The following GPSM2 variants were observed in gnomAD, a reference collection of about 807,000 sequenced individuals.
GPSM2 encodes G protein signaling modulator 2, also known as G protein-signaling modulator 2.
Under a neutral mutation model 78.4 loss-of-function variants are expected in GPSM2, and 58 were observed. That is an observed-to-expected ratio of 0.74 (90% CI 0.60 to 0.92). The LOEUF (loss-of-function observed/expected upper bound fraction) is 0.92. Among genes scored for constraint, GPSM2 ranks in the 40% least tolerant of loss-of-function variants. GPSM2 has a pLI of 0.00. For missense variants in GPSM2, 700 were observed against 815.5 expected (o/e 0.86, Z 1.73); for synonymous variants, 224 against 280.2 (o/e 0.80, Z 2.00).
chr1:108,885,265 C>G lies in GPSM2; in HGVS notation c.-248-10C>G. ...GACTTCAAGCAAAGCATCTTGTATT[C>G]CTTTTGCAGAAATGTTGCTGAAGTG... On this transcript the variant is annotated splice_polypyrimidine_tract_variant and intron_variant, in intron 1 of 14. Coordinates refer to ENST00000264126, the MANE Select transcript of GPSM2 (RefSeq NM_013296.5). The G allele has an allele frequency of 2.7e-6, 1 of 374,002 alleles. No homozygotes were observed. The highest frequency in any genetic ancestry group is 4.3e-5 in the South Asian group (1 of 23,098). 23.2% of individuals were successfully genotyped at this position (374,002 alleles called of 1,614,324 possible). A position where few individuals can be genotyped will look rare whatever the true frequency, so the allele number is the denominator to read the frequency against.
At chr1:108,899,112 T>C (rs1443800034) in intron 7 of GPSM2, 118 bp downstream of exon 7, 27 of 693,866 alleles carry the variant, frequency 3.9e-5, no homozygotes, top group Non-Finnish European at 6.6e-5. Flanking sequence ...CTCAATTTCC[T>C]TATCTGTAAC....
intron 11 of GPSM2, among the ~76,000 whole-genome samples, chr1:108,915,031 CA>C (rs1312549913): frequency 1.3e-5 from 2 of 152,072 alleles, no homozygotes; most frequent in Non-Finnish European, 2.9e-5. Flanking sequence ...AAGAAAACAT[CA>C]AGGCTACTTT....
At chr1:108,911,804 T>TTC (rs2101487329) in intron 10 of GPSM2, among the ~76,000 whole-genome samples, 1 of 146,994 alleles carries the variant, frequency 6.8e-6, no homozygotes, top group African/African-American at 2.5e-5. Flanking sequence ...AGACAATTTT[T>TTC]TTTTTTTTTT....
In GPSM2 at chr1:108,930,884, CTG is replaced by C. The variant is rs1651831477; in HGVS notation, c.*946_*947del. On this transcript the variant is annotated 3_prime_UTR_variant, in exon 15 of 15. Transcript: ENST00000264126. Reference sequence around the variant, plus strand: ...CCAGCCTGAGTGACAGAGCAAGACTCTGTCTCAAAAAAAAAAAAAACAGCAAG... The same window carrying C: ...CCAGCCTGAGTGACAGAGCAAGACTCTCTCAAAAAAAAAAAAAACAGCAAG... 7.6e-6 allele frequency: 1 copy of C among 131,992 alleles called. No homozygotes were observed. Among genetic ancestry groups the C allele is most frequent in the Non-Finnish European group, 1.5e-5 (1 of 64,524 alleles). 8.2% of individuals were successfully genotyped at this position (131,992 alleles called of 1,614,324 possible). A position where few individuals can be genotyped will look rare whatever the true frequency, so the allele number is the denominator to read the frequency against.
chr1:108,908,428 A>G (rs1649428951), intron 10 of GPSM2, among the ~76,000 whole-genome samples: 1 of 151,908 alleles, frequency 6.6e-6, no homozygotes, highest in Non-Finnish European at 1.5e-5. Context: ...TCACACCTGT[A>G]ATCCCAGCAC....
intron 12 of GPSM2, among the ~76,000 whole-genome samples, chr1:108,920,780 C>T (rs1210737424): frequency 6.6e-6 from 1 of 152,122 alleles, no homozygotes; most frequent in East Asian, 1.9e-4. Context: ...TTCAAGGAAG[C>T]CATGCCTTTG....
chr1:108,927,003 G>A (rs1373599782), intron 14 of GPSM2: 4 of 152,178 alleles, frequency 2.6e-5, no homozygotes, highest in Admixed American at 1.3e-4. Context: ...TCAGTTGTGT[G>A]TTTATACACT....
At chr1:108,888,549 A>G (rs1208423529) in intron 2 of GPSM2, among the ~76,000 whole-genome samples, 1 of 152,200 alleles carries the variant, frequency 6.6e-6, no homozygotes, top group Admixed American at 6.5e-5. Flanking sequence ...TCTGTTGCCT[A>G]GGCTGGTCTC....
In GPSM2 at chr1:108,934,443, T is replaced by G; in HGVS notation, c.*4503T>G. ...CTTAAAATAAACACTTCTTACTTTA[T>G]GGGATGTAAATATCAAAGAGAAGAT... is the stretch of plus-strand genomic sequence containing the variant. On this transcript the variant is annotated 3_prime_UTR_variant, in exon 15 of 15. Transcript: ENST00000264126. The G allele has an allele frequency of 3.9e-6, 2 of 517,970 alleles. No homozygotes were observed. Among genetic ancestry groups the G allele is most frequent in the Non-Finnish European group, 6.7e-6 (2 of 297,392 alleles). The allele number at this position is 517,970 out of a possible 1,614,324, so 32.1% of individuals were successfully genotyped here. A position where few individuals can be genotyped will look rare whatever the true frequency, so the allele number is the denominator to read the frequency against.
rs1652229220 is a variant in GPSM2, at chr1:108,932,785, T to C, written c.*2845T>C. The C allele has an allele frequency of 6.6e-6, 1 of 152,354 alleles. No homozygotes were observed. Among genetic ancestry groups the C allele is most frequent in the African/African-American group, 2.4e-5 (1 of 41,574 alleles). 9.4% of individuals were successfully genotyped at this position (152,354 alleles called of 1,614,324 possible). A position where few individuals can be genotyped will look rare whatever the true frequency, so the allele number is the denominator to read the frequency against. ...AACTGCAGGTGTCTGTCAGGATTCA[T>C]TTGTTAAACATGTCCTCTGTGTTAA... On this transcript the variant is annotated 3_prime_UTR_variant, in exon 15 of 15. Coordinates refer to ENST00000264126, the MANE Select transcript of GPSM2 (RefSeq NM_013296.5).
rs1391584819 is a variant in GPSM2 at position 108,931,464 on chromosome 1, G to T, written c.*1524G>T. 2.7e-5 allele frequency: 42 copies of T among 1,550,624 alleles called. No individual in the cohort carries two copies. The highest frequency in any genetic ancestry group is 3.7e-5 in the Non-Finnish European group (42 of 1,147,038). Reference sequence around the variant, plus strand: ...ACAAGTTGCCAACTTGTTTCACTCTGCTTGCTTCAGACTGTGCACAGCTGG... The same window carrying T: ...ACAAGTTGCCAACTTGTTTCACTCTTCTTGCTTCAGACTGTGCACAGCTGG... On this transcript the variant is annotated 3_prime_UTR_variant, in exon 15 of 15. Transcript: ENST00000264126.
rs549480746 is a variant in GPSM2, at chr1:108,932,551, A to G, written c.*2611A>G. The G allele has an allele frequency of 1.3e-5, 2 of 152,368 alleles. No individual in the cohort carries two copies. Among genetic ancestry groups the G allele is most frequent in the South Asian group, 4.1e-4 (2 of 4,826 alleles). 9.4% of individuals were successfully genotyped at this position (152,368 alleles called of 1,614,324 possible). On this transcript the variant is annotated 3_prime_UTR_variant, in exon 15 of 15. Coordinates refer to ENST00000264126, the MANE Select transcript of GPSM2 (RefSeq NM_013296.5). Reference sequence around the variant, plus strand: ...AAATTTTATTTAAAAATTTTTTAAAAGAATTTGGTTTTGGATTAAAAGGCA... The same window carrying G: ...AAATTTTATTTAAAAATTTTTTAAAGGAATTTGGTTTTGGATTAAAAGGCA...
intron 11 of GPSM2, among the ~76,000 whole-genome samples, chr1:108,917,630 AT>A (rs1650357664): frequency 5.9e-5 from 1 of 16,984 alleles, no homozygotes; most frequent in African/African-American, 4.4e-4. Flanking sequence ...ATATATATAT[AT>A]ATATATATAT....
intron 13 of GPSM2, among the ~76,000 whole-genome samples, chr1:108,923,608 T>G (rs570690095): frequency 6.6e-6 from 1 of 152,348 alleles, no homozygotes; most frequent in South Asian, 2.1e-4. Flanking sequence ...TACTAAATGA[T>G]TTGTATCCAG....
chr1:108,917,156 A>T (rs539406235), intron 11 of GPSM2, among the ~76,000 whole-genome samples: 1 of 152,262 alleles, frequency 6.6e-6, no homozygotes, highest in South Asian at 2.1e-4. Context: ...ATCAAGGACC[A>T]TTTTCCTTTT....
intron 10 of GPSM2, among the ~76,000 whole-genome samples, chr1:108,910,784 A>G (rs1189821043): frequency 6.6e-6 from 1 of 151,614 alleles, no homozygotes; most frequent in African/African-American, 2.4e-5. Context: ...AATCACTTGA[A>G]CCTAGGAGGC....
intron 14 of GPSM2, among the ~76,000 whole-genome samples, chr1:108,925,977 G>C (rs115909550): frequency 6.6e-6 from 1 of 152,222 alleles, no homozygotes; most frequent in African/African-American, 2.4e-5. Flanking sequence ...CGGATTTGGA[G>C]ATGGGAGCAA....
intron 9 of GPSM2, 53 bp from the exon 10 acceptor site, chr1:108,904,072 C>A (rs148556472): frequency 6.4e-6 from 8 of 1,243,492 alleles, no homozygotes; most frequent in South Asian, 4.8e-5. Context: ...AAATAATCTT[C>A]ACCATTCTTT....
chr1:108,931,399 A>C lies in GPSM2; in HGVS notation c.*1459A>C. 6.4e-7 allele frequency: 1 copy of C among 1,551,192 alleles called. No homozygotes were observed. The highest frequency in any genetic ancestry group is 8.7e-7 in the Non-Finnish European group (1 of 1,147,132). The stretch of plus-strand genomic sequence containing the variant: ...AAGTATGGGACAGACTGGGACCTGG[A>C]GTAACACTGGATCACAGACTGCAAA... On this transcript the variant is annotated 3_prime_UTR_variant, in exon 15 of 15. Transcript: ENST00000264126.
Sources: allele counts gnomAD v4.1 joint callset (sites outside exome capture counted in the v4.1 genomes callset), GRCh38; gene constraint gnomAD v4.1.1; transcripts MANE v1.5; gene names NCBI Gene and HGNC (gene_info 2026-07-23, HGNC 2026-07-21).